Variants in STRBP observed in about 807,000 individuals in gnomAD.
STRBP encodes the protein spermatid perinuclear RNA-binding protein.
A neutral mutation model predicts 80.1 loss-of-function variants in STRBP; 13 were observed. The ratio of observed to expected loss-of-function variants is 0.16; its 90% CI spans 0.11 to 0.26. The LOEUF (loss-of-function observed/expected upper bound fraction) is 0.26. Among genes scored for constraint, STRBP ranks in the 10% least tolerant of loss-of-function variants. The probability of loss-of-function intolerance (pLI) is 1.00; values close to 1 mark genes in which losing one functional copy is unlikely to be tolerated. For missense variants in STRBP, 485 were observed against 815.2 expected, an observed-to-expected ratio of 0.59 and a Z score of 4.93; for synonymous variants, 284 against 291.2, an observed-to-expected ratio of 0.98 and a Z score of 0.25.
At chr9:123,256,582 T>A (rs1352034712) in intron 1 of STRBP, among the ~76,000 whole-genome samples, 1 of 152,158 alleles carries the variant, frequency 6.6e-6, no homozygotes, top group African/African-American at 2.4e-5. Context: ...ATGTGAGCTA[T>A]ATATATATGT....
intron 1 of STRBP, among the ~76,000 whole-genome samples, chr9:123,238,337 C>T (rs763424732): frequency 6.6e-6 from 1 of 152,182 alleles, no homozygotes; most frequent in Non-Finnish European, 1.5e-5. Flanking sequence ...GAGGTGATCA[C>T]GTATCAATAA....
Position 123,234,995 on chromosome 9 carries a change from T to TG in STRBP, c.-165+1834_-165+1835insC, listed in dbSNP as rs2040509230. Among the ~76,000 whole-genome samples, 16 of 89,872 alleles carry TG rather than the reference T, an allele frequency of 1.8e-4. No homozygotes were observed. The South Asian group carries it at 3.1e-3, about 17-fold the overall frequency. The allele number at this position is 89,872 out of a possible 152,430, so 59.0% of individuals were successfully genotyped here. On this transcript the variant is annotated intron_variant, in intron 2 of 18. Coordinates refer to ENST00000348403, the MANE Select transcript of STRBP (RefSeq NM_018387.5). Reference sequence around the variant, plus strand: ...TGTATCTGTTCAACTGGCTTTTTTTTTGGGGGGGGGGGGTACTGGGTATTC... The same window carrying TG: ...TGTATCTGTTCAACTGGCTTTTTTTTGTGGGGGGGGGGGGTACTGGGTATTC...
intron 2 of STRBP, among the ~76,000 whole-genome samples, chr9:123,233,862 A>G (rs761257395): frequency 1.3e-5 from 2 of 152,170 alleles, no homozygotes; most frequent in Non-Finnish European, 2.9e-5. Context: ...TTGTCTTTTC[A>G]GTTCACATGC....
chr9:123,200,951 A>T (rs2039303697), intron 2 of STRBP, among the ~76,000 whole-genome samples: 1 of 151,282 alleles, frequency 6.6e-6, no homozygotes, highest in Non-Finnish European at 1.5e-5. Context: ...TTTCTTCCTG[A>T]TTTAATCTAG....
At chr9:123,221,900 T>C (rs1033233410) in intron 2 of STRBP, among the ~76,000 whole-genome samples, 2 of 152,204 alleles carry the variant, frequency 1.3e-5, no homozygotes, top group African/African-American at 2.4e-5. Flanking sequence ...GAAAGTAACC[T>C]GTAAAGTGAT....
chr9:123,189,873 GA>G (rs1030291318), intron 2 of STRBP, among the ~76,000 whole-genome samples: 7 of 151,824 alleles, frequency 4.6e-5, no homozygotes, highest in African/African-American at 7.3e-5. Flanking sequence ...TTTAAAAAAA[GA>G]AAAAAAGATA....
At chr9:123,205,637 T>C (rs913726627) in intron 2 of STRBP, among the ~76,000 whole-genome samples, 3 of 152,204 alleles carry the variant, frequency 2.0e-5, no homozygotes, top group Non-Finnish European at 4.4e-5. Context: ...GATTCACCAA[T>C]ATTGTGTCCA....
intron 1 of STRBP, among the ~76,000 whole-genome samples, chr9:123,242,638 T>A (rs1224189793): frequency 1.3e-5 from 2 of 152,028 alleles, no homozygotes; most frequent in Non-Finnish European, 2.9e-5. Context: ...CCCGCCTGGG[T>A]GACAGAGTGA....
At chr9:123,152,385 C>G (rs963666236) in intron 11 of STRBP, among the ~76,000 whole-genome samples, 28 of 151,798 alleles carry the variant, frequency 1.8e-4, no homozygotes, top group African/African-American at 6.5e-4. Flanking sequence ...CCCACAAAAA[C>G]CTAAATTTTA....
rs2035915246 is a variant in STRBP at position 123,126,857 on chromosome 9, C to T, written c.1943-1184G>A. ...CAGAGAGGATGAGATGGTCAGGAGACCCAGAAGCCAGCTGAATAGTTAAAA... is the reference window on the plus strand; with the variant it reads ...CAGAGAGGATGAGATGGTCAGGAGATCCAGAAGCCAGCTGAATAGTTAAAA... On this transcript the variant is annotated intron_variant, in intron 18 of 18. Transcript: ENST00000348403. This position sits in a 1 kb window ranked among gnomAD's most constrained non-coding sequence, Gnocchi z 4.4. Among the ~76,000 whole-genome samples, 2 of 152,100 alleles carry T rather than the reference C, an allele frequency of 1.3e-5. No homozygotes were observed. Among genetic ancestry groups the T allele is most frequent in the African/African-American group, 4.8e-5 (2 of 41,386 alleles).
chr9:123,264,529 C>T lies in STRBP; in HGVS notation c.-302+3907G>A, dbSNP rs146218648. Among the ~76,000 whole-genome samples, 810 of 152,334 alleles carry T rather than the reference C, an allele frequency of 5.3e-3. 5 individuals carry two copies. The highest frequency in any genetic ancestry group is 0.018 in the African/African-American group (736 of 41,574). ...AAAAGAAACTAAGTAACATCTATCC[C>T]CGTATTTACGTAGCTCCAGTCTTCC... On this transcript the variant is annotated intron_variant, in intron 1 of 18. Transcript: ENST00000348403.
chr9:123,190,467 T>TAA lies in STRBP; in HGVS notation c.-164-6171_-164-6170dup, dbSNP rs5900567. Among the ~76,000 whole-genome samples the TAA allele has an allele frequency of 3.9e-3, 584 of 148,354 alleles. 2 individuals carry two copies. Among genetic ancestry groups the TAA allele is most frequent in the Middle Eastern group, 6.8e-3 (2 of 292 alleles). On this transcript the variant is annotated intron_variant, in intron 2 of 18. Transcript: ENST00000348403. ...TTCTTCTGGAAGCTTCTTTTTCATG[T>TAA]AAAAAAAAAAGGCACGTGCAAGAAG...
chr9:123,136,723 C>T lies in STRBP; in HGVS notation c.1498-208G>A, dbSNP rs1467466179. ...GCAGTAAACATTGCAGTCATCTGGC[C>T]AGCCTTCCTTCGAAGCAGTATTCAA... On this transcript the variant is annotated intron_variant, in intron 14 of 18. Transcript: ENST00000348403. This position sits in a 1 kb window ranked among gnomAD's most constrained non-coding sequence, Gnocchi z 4.2. 2.0e-5 allele frequency among the ~76,000 whole-genome samples: 3 copies of T among 152,176 alleles called. No individual in the cohort carries two copies.
chr9:123,257,477 A>G (rs2041058863), intron 1 of STRBP, among the ~76,000 whole-genome samples: 1 of 151,992 alleles, frequency 6.6e-6, no homozygotes, highest in Non-Finnish European at 1.5e-5. Context: ...AACTCCCCTA[A>G]TAGACTGTAA....
intron 1 of STRBP, among the ~76,000 whole-genome samples, chr9:123,243,910 T>C (rs1385122565): frequency 6.6e-6 from 1 of 152,232 alleles, no homozygotes; most frequent in Admixed American, 6.5e-5. Flanking sequence ...ATAGGAATTG[T>C]GCTCCTAGAT....
intron 13 of STRBP, among the ~76,000 whole-genome samples, chr9:123,140,957 G>A (rs1160020004): frequency 6.6e-6 from 1 of 152,198 alleles, no homozygotes; most frequent in African/African-American, 2.4e-5. Flanking sequence ...TTTCAAAGGA[G>A]GTTGATATAG....
intron 1 of STRBP, among the ~76,000 whole-genome samples, chr9:123,262,681 T>C (rs1312567364): frequency 1.3e-5 from 2 of 152,234 alleles, no homozygotes; most frequent in Non-Finnish European, 2.9e-5. Flanking sequence ...TAAGAGAATC[T>C]GAATACCAAA....
At chr9:123,186,215 G>A (rs528694476) in intron 2 of STRBP, among the ~76,000 whole-genome samples, 12 of 152,052 alleles carry the variant, frequency 7.9e-5, no homozygotes, top group Non-Finnish European at 1.5e-4. Context: ...GGGCATAGTG[G>A]CACATGCCTG....
intron 5 of STRBP, among the ~76,000 whole-genome samples, chr9:123,170,675 A>G (rs981357701): frequency 6.6e-6 from 1 of 152,270 alleles, no homozygotes; most frequent in Non-Finnish European, 1.5e-5. Flanking sequence ...TGACATCTAC[A>G]GAAAACCTAC....
Sources: gnomAD v4.1 joint callset for allele counts (sites outside exome capture counted in the v4.1 genomes callset) on GRCh38, gnomAD v4.1.1 for gene constraint, Gnocchi (gnomAD v3.1) non-coding constraint, MANE v1.5 for transcripts, NCBI Gene and HGNC (gene_info 2026-07-23, HGNC 2026-07-21) for gene names.